IGF2BP2: variants seen among roughly 807,000 people sequenced by gnomAD.
The protein encoded by IGF2BP2 is insulin-like growth factor 2 mRNA-binding protein 2.
Under a neutral mutation model 75.8 loss-of-function variants are expected in IGF2BP2, and 17 were observed. The observed-to-expected ratio is 0.22, with a 90% CI of 0.15 to 0.34. The LOEUF is 0.34. IGF2BP2 is among the 10% of genes least tolerant of loss of function. The probability of loss-of-function intolerance (pLI) is 1.00; values close to 1 mark genes in which losing one functional copy is unlikely to be tolerated. For synonymous variants in IGF2BP2, 288 were observed against 295.6 expected, an observed-to-expected ratio of 0.97 and a Z score of 0.26; for missense variants, 516 against 772.4, an observed-to-expected ratio of 0.67 and a Z score of 3.93.
chr3:185,778,723 T>C (rs1049555137), intron 2 of IGF2BP2, among the ~76,000 whole-genome samples: 74 of 152,338 alleles, frequency 4.9e-4, no homozygotes, highest in African/African-American at 1.8e-3. Context: ...TTTGGTGTCT[T>C]GTTTTCTCAA....
chr3:185,808,886 A>G (rs962893590), intron 2 of IGF2BP2, among the ~76,000 whole-genome samples: 4 of 152,246 alleles, frequency 2.6e-5, no homozygotes, highest in Admixed American at 6.5e-5. Flanking sequence ...AGCATTTGAC[A>G]ACATTCTGCT....
At chr3:185,703,565 T>A (rs187213003) in intron 2 of IGF2BP2, among the ~76,000 whole-genome samples, 1 of 148,134 alleles carries the variant, frequency 6.8e-6, no homozygotes, top group African/African-American at 2.5e-5. Context: ...AGGTCAGGAG[T>A]TCGAGACCAG....
chr3:185,731,018 T>A (rs942870850), intron 2 of IGF2BP2, among the ~76,000 whole-genome samples: 1 of 152,190 alleles, frequency 6.6e-6, no homozygotes, highest in East Asian at 1.9e-4. Context: ...TTAAATAAAC[T>A]GATGTTTACA....
At chr3:185,809,517 C>T (rs777032733) in intron 2 of IGF2BP2, among the ~76,000 whole-genome samples, 30 of 152,130 alleles carry the variant, frequency 2.0e-4, no homozygotes, top group African/African-American at 7.0e-4. Flanking sequence ...GTAGTCCCAG[C>T]GACTCAGGAG....
At chr3:185,713,588 C>T (rs1725147899) in intron 2 of IGF2BP2, 1 of 465,654 alleles carries the variant, frequency 2.1e-6, no homozygotes, top group Admixed American at 2.4e-5. Flanking sequence ...AGCTCTTTCT[C>T]GTTATTTTTA....
chr3:185,730,809 A>AT (rs1199887768), intron 2 of IGF2BP2, among the ~76,000 whole-genome samples: 1 of 152,090 alleles, frequency 6.6e-6, no homozygotes, highest in African/African-American at 2.4e-5. Flanking sequence ...ACTGTTTTCC[A>AT]TAGAGGTTGT....
At chr3:185,806,519 G>T (rs1452768551) in intron 2 of IGF2BP2, among the ~76,000 whole-genome samples, 1 of 152,154 alleles carries the variant, frequency 6.6e-6, no homozygotes, top group African/African-American at 2.4e-5. Context: ...ACCTTTCAAA[G>T]AAAAGGTTAC....
At chr3:185,736,377 T>C (rs1728851991) in intron 2 of IGF2BP2, among the ~76,000 whole-genome samples, 1 of 151,668 alleles carries the variant, frequency 6.6e-6, no homozygotes, top group African/African-American at 2.4e-5. Flanking sequence ...CTCTGTTGCC[T>C]AACTCCTATG....
chr3:185,737,056 C>T (rs9850770), intron 2 of IGF2BP2, among the ~76,000 whole-genome samples: 84 of 152,098 alleles, frequency 5.5e-4, no homozygotes, highest in Non-Finnish European at 5.6e-4. Context: ...TGTGATGTTT[C>T]GCATTAATTT....
At chr3:185,748,424 T>C (rs1222379488) in intron 2 of IGF2BP2, among the ~76,000 whole-genome samples, 1 of 152,214 alleles carries the variant, frequency 6.6e-6, no homozygotes, top group Non-Finnish European at 1.5e-5. Flanking sequence ...CTATTCCTAT[T>C]GTGGGAAGTC....
At chr3:185,810,292 A>G (rs545134132) in intron 2 of IGF2BP2, among the ~76,000 whole-genome samples, 1 of 152,286 alleles carries the variant, frequency 6.6e-6, no homozygotes, top group South Asian at 2.1e-4. Flanking sequence ...AGCCTTAATG[A>G]TTATTTTCTG....
intron 2 of IGF2BP2, chr3:185,718,246 C>A (rs1725949296): frequency 6.6e-6 from 1 of 152,162 alleles, no homozygotes; most frequent in Non-Finnish European, 1.5e-5. Context: ...ACCATATGGG[C>A]CACAGGGCCT....
intron 10 of IGF2BP2, among the ~76,000 whole-genome samples, chr3:185,662,924 T>C (rs1716706132): frequency 2.0e-5 from 3 of 152,094 alleles, no homozygotes; most frequent in Admixed American, 2.0e-4. Context: ...AAATGATCCA[T>C]CTGCCTCGGC....
intron 2 of IGF2BP2, among the ~76,000 whole-genome samples, chr3:185,797,397 C>T (rs1215764015): frequency 6.6e-6 from 1 of 152,216 alleles, no homozygotes; most frequent in Non-Finnish European, 1.5e-5. Context: ...CATTTGTTTA[C>T]ACTCTTACAA....
chr3:185,772,353 C>T (rs1733990812), intron 2 of IGF2BP2, among the ~76,000 whole-genome samples: 2 of 152,160 alleles, frequency 1.3e-5, no homozygotes, highest in Non-Finnish European at 2.9e-5. Context: ...CTCTGTAGAG[C>T]TTGGTCTTTA....
chr3:185,663,702 T>C (rs931937571), intron 10 of IGF2BP2, among the ~76,000 whole-genome samples: 1 of 152,162 alleles, frequency 6.6e-6, no homozygotes, highest in Non-Finnish European at 1.5e-5. Context: ...AATTGATCTT[T>C]TGTACTGTAT....
chr3:185,666,027 T>TAGATA (rs1717553329), intron 10 of IGF2BP2, among the ~76,000 whole-genome samples: 1 of 151,544 alleles, frequency 6.6e-6, no homozygotes, highest in South Asian at 2.1e-4. Context: ...GATAGATAGA[T>TAGATA]AGATAGATAG....
At chr3:185,664,394 T>C (rs995219964) in intron 10 of IGF2BP2, among the ~76,000 whole-genome samples, 1 of 152,220 alleles carries the variant, frequency 6.6e-6, no homozygotes, top group Non-Finnish European at 1.5e-5. Flanking sequence ...GTTGAATGCA[T>C]TTAAATATAT....
intron 2 of IGF2BP2, among the ~76,000 whole-genome samples, chr3:185,783,642 A>G (rs1209881290): frequency 2.0e-5 from 3 of 152,118 alleles, no homozygotes; most frequent in African/African-American, 7.2e-5. Context: ...AGTGGTTAAT[A>G]CCTATTTGTG....
Sources: allele counts gnomAD v4.1 joint callset (sites outside exome capture counted in the v4.1 genomes callset), GRCh38; gene constraint gnomAD v4.1.1; transcripts MANE v1.5; gene names NCBI Gene and HGNC (gene_info 2026-07-23, HGNC 2026-07-21).